VPS54: variants seen among roughly 807,000 people sequenced by gnomAD.
VPS54 encodes vacuolar protein sorting-associated protein 54.
In VPS54, 45 loss-of-function variants were observed where a neutral mutation model predicts 121.5. The observed-to-expected ratio is 0.37, with a 90% CI of 0.29 to 0.47. The LOEUF is 0.47. Ranked by LOEUF, VPS54 falls within the 20% of genes least tolerant of loss-of-function variation. The pLI is 0.99. For synonymous variants in VPS54, 371 were observed against 385.8 expected (o/e 0.96, Z 0.45); for missense variants, 1,090 against 1,131.4 (o/e 0.96, Z 0.52).
chr2:63,965,095 G>A (rs1419699219), intron 6 of VPS54, among the ~76,000 whole-genome samples: 1 of 152,082 alleles, frequency 6.6e-6, no homozygotes, highest in African/African-American at 2.4e-5. Context: ...AGATATTTTT[G>A]TTTCAAAATA....
At chr2:64,017,365 AAAAG>A in intron 1 of VPS54, among the ~76,000 whole-genome samples, 1 of 152,016 alleles carries the variant, frequency 6.6e-6, no homozygotes, top group East Asian at 1.9e-4. Flanking sequence ...GAAACAAAAA[AAAAG>A]AGTGTGATGA....
Position 63,906,710 on chromosome 2 carries a change from T to A in VPS54, c.2625+5635A>T, listed in dbSNP as rs573983303. Among the ~76,000 whole-genome samples, 5 of 152,322 alleles carry A rather than the reference T, an allele frequency of 3.3e-5. No homozygotes were observed. The East Asian group carries it at 9.6e-4, about 29-fold the overall frequency. On this transcript the variant is annotated intron_variant, in intron 20 of 22. Transcript: ENST00000272322. ...CATAGTTTCTGGCTAGCAGGTGCAATCTGGCTCTGGTACAAAACTGGATAT... is the reference window on the plus strand; with the variant it reads ...CATAGTTTCTGGCTAGCAGGTGCAAACTGGCTCTGGTACAAAACTGGATAT...
At chr2:64,012,972 T>C (rs202244959) in intron 1 of VPS54, among the ~76,000 whole-genome samples, 1 of 152,158 alleles carries the variant, frequency 6.6e-6, no homozygotes, top group East Asian at 1.9e-4. Flanking sequence ...GTAGAAGGAA[T>C]GCAAAAAGAA....
chr2:63,952,636 A>C (rs1238346081), intron 7 of VPS54, among the ~76,000 whole-genome samples: 1 of 152,202 alleles, frequency 6.6e-6, no homozygotes, highest in Non-Finnish European at 1.5e-5. Flanking sequence ...AACAAATCTG[A>C]TAAGTGAAAT....
At chr2:63,947,546 G>A (rs1675040034) in intron 8 of VPS54, 56 bp from the exon 9 acceptor site, 1 of 1,301,780 alleles carries the variant, frequency 7.7e-7, no homozygotes, top group African/African-American at 1.5e-5. Context: ...ATTTTACTTA[G>A]AGGTAGAAAT....
chr2:63,987,888 T>A (rs1481781121), intron 1 of VPS54, among the ~76,000 whole-genome samples: 1 of 152,232 alleles, frequency 6.6e-6, no homozygotes, highest in Non-Finnish European at 1.5e-5. Flanking sequence ...TCCTGCAACT[T>A]TACTGAATCT....
chr2:63,903,097 A>G (rs1345479), intron 20 of VPS54, among the ~76,000 whole-genome samples: 30,277 of 152,200 alleles, frequency 0.2, 3,445 homozygotes, highest in Non-Finnish European at 0.24. Context: ...ACTATAAAAA[A>G]GGAAACACAC....
At chr2:63,934,235 T>C (rs1207456212) in intron 11 of VPS54, among the ~76,000 whole-genome samples, 3 of 152,236 alleles carry the variant, frequency 2.0e-5, no homozygotes, top group Admixed American at 2.0e-4. Flanking sequence ...ATAAACTTCC[T>C]ATATTTTAAC....
Position 63,998,840 on chromosome 2 carries a change from T to C in VPS54, c.-20-14821A>G, listed in dbSNP as rs547340034. On this transcript the variant is annotated intron_variant, in intron 1 of 22. Coordinates refer to ENST00000272322, the MANE Select transcript of VPS54 (RefSeq NM_016516.3). ...AGGCTAGTTTACACACCAGTTATCATGTTATAATATTCTATGATTTTCTGT... is the reference window on the plus strand; with the variant it reads ...AGGCTAGTTTACACACCAGTTATCACGTTATAATATTCTATGATTTTCTGT... 3.9e-5 allele frequency among the ~76,000 whole-genome samples: 6 copies of C among 152,322 alleles called. No individual in the cohort carries two copies. In the East Asian group the frequency reaches 1.2e-3, roughly 29 times the overall value.
At chr2:63,948,172 C>T (rs1197429757) in intron 8 of VPS54, among the ~76,000 whole-genome samples, 1 of 152,060 alleles carries the variant, frequency 6.6e-6, no homozygotes, top group Non-Finnish European at 1.5e-5. Flanking sequence ...AAATAATGAC[C>T]TAGACTCTCA....
At chr2:64,003,155 GA>G (rs1246328368) in intron 1 of VPS54, among the ~76,000 whole-genome samples, 1 of 151,730 alleles carries the variant, frequency 6.6e-6, no homozygotes, top group African/African-American at 2.4e-5. Flanking sequence ...TGTCTACTCA[GA>G]AAAAAAATCA....
At chr2:63,986,171 T>C (rs957997698) in intron 1 of VPS54, among the ~76,000 whole-genome samples, 1 of 152,218 alleles carries the variant, frequency 6.6e-6, no homozygotes, top group Non-Finnish European at 1.5e-5. Flanking sequence ...TAAAAATGAC[T>C]TTTTACTCTA....
intron 1 of VPS54, among the ~76,000 whole-genome samples, chr2:63,994,296 A>C (rs912859982): frequency 6.6e-6 from 1 of 152,138 alleles, no homozygotes; most frequent in African/African-American, 2.4e-5. Flanking sequence ...CGCTTACACT[A>C]GGTTTTATTT....
intron 20 of VPS54, 46 bp downstream of exon 20, chr2:63,912,299 T>C (rs1483769235): frequency 1.4e-6 from 2 of 1,467,156 alleles, no homozygotes; most frequent in Non-Finnish European, 1.9e-6. Context: ...AAATAGAAAA[T>C]CATAATGTCT....
chr2:63,943,779 C>T (rs1674849638), intron 10 of VPS54, among the ~76,000 whole-genome samples: 1 of 141,182 alleles, frequency 7.1e-6, no homozygotes, highest in Non-Finnish European at 1.5e-5. Context: ...GGCTGGAATG[C>T]AGTGGCACAA....
At chr2:63,978,867 A>AC (rs759199512) in intron 3 of VPS54, among the ~76,000 whole-genome samples, 6 of 152,102 alleles carry the variant, frequency 3.9e-5, no homozygotes, top group Non-Finnish European at 8.8e-5. Flanking sequence ...TGATCTGCCC[A>AC]CCATGGCCTC....
At chr2:63,969,085 C>G (rs1676148517) in intron 4 of VPS54, 94 bp from the exon 5 acceptor site, 2 of 1,011,542 alleles carry the variant, frequency 2.0e-6, no homozygotes, top group Non-Finnish European at 2.9e-6. Flanking sequence ...TGTACTGGGT[C>G]ACATCCAAAT....
chr2:64,010,582 C>T (rs1559057698), intron 1 of VPS54, among the ~76,000 whole-genome samples: 1 of 152,128 alleles, frequency 6.6e-6, no homozygotes, highest in Non-Finnish European at 1.5e-5. Flanking sequence ...AAGTACTTTC[C>T]ACAACATTTT....
At position 63,989,715 on chromosome 2, in the gene VPS54, C is replaced by T. The variant is rs58332711; in HGVS notation, c.-20-5696G>A. The stretch of plus-strand genomic sequence containing the variant: ...TTGTCCAGGTTAACTACGGGTCACA[C>T]GGAGTCTAAAAATTATGCTTATCTC... On this transcript the variant is annotated intron_variant, in intron 1 of 22. Transcript: ENST00000272322. Among the ~76,000 whole-genome samples, 1,253 of 152,184 alleles carry T rather than the reference C, an allele frequency of 8.2e-3. 14 individuals are homozygous for T. The highest frequency in any genetic ancestry group is 0.029 in the African/African-American group (1,196 of 41,500).
Sources: gnomAD v4.1 joint callset for allele counts (sites outside exome capture counted in the v4.1 genomes callset) on GRCh38, gnomAD v4.1.1 for gene constraint, MANE v1.5 for transcripts, NCBI Gene and HGNC (gene_info 2026-07-23, HGNC 2026-07-21) for gene names.